The following CHD7 variants were observed in gnomAD, a reference collection of about 807,000 sequenced individuals.
CHD7 encodes the protein chromodomain helicase DNA binding protein 7.
In CHD7, 24 loss-of-function variants were observed where a neutral mutation model predicts 307.3. That is an observed-to-expected ratio of 0.08 (90% CI 0.06 to 0.11). The LOEUF (loss-of-function observed/expected upper bound fraction) is 0.11, where lower values mean the gene tolerates loss of function less well. Ranked by LOEUF, CHD7 falls within the 10% of genes least tolerant of loss-of-function variation. The probability of loss-of-function intolerance (pLI) is 1.00; values close to 1 mark genes in which losing one functional copy is unlikely to be tolerated. For missense variants in CHD7, 3,106 were observed against 3,727.1 expected, an observed-to-expected ratio of 0.83 and a Z score of 4.34; for synonymous variants, 1,363 against 1,349.9, an observed-to-expected ratio of 1.01 and a Z score of -0.21.
At chr8:60,746,653 T>C (rs1056798830) in intron 2 of CHD7, among the ~76,000 whole-genome samples, 5 of 152,246 alleles carry the variant, frequency 3.3e-5, no homozygotes, top group African/African-American at 9.6e-5. Flanking sequence ...TTATGTTCTT[T>C]ATGTGTTTCC....
In CHD7 at chr8:60,741,753, C is replaced by T. The variant is rs571544655; in HGVS notation, c.321C>T (p.Thr107=). 3.7e-6 allele frequency: 6 copies of T among 1,613,928 alleles called. No homozygotes were observed. The highest frequency in any genetic ancestry group is 2.2e-5 in the East Asian group (1 of 44,878). Reference sequence around the variant, plus strand: ...CGTCTCCGCACTCGCAGTATCACACCCCTCCCGTTCCTCAGGTGCCCCATG... The same window carrying T: ...CGTCTCCGCACTCGCAGTATCACACTCCTCCCGTTCCTCAGGTGCCCCATG... ...GLASPHSQYH[T]PPVPQVPHGG... The change falls in exon 2 of 38, where the codon ACC becomes ACT. Residue 107 remains threonine (T), a synonymous_variant. Coordinates refer to ENST00000423902, the MANE Select transcript of CHD7 (RefSeq NM_017780.4).
intron 4 of CHD7, among the ~76,000 whole-genome samples, chr8:60,796,307 T>A (rs1436044017): frequency 6.6e-6 from 1 of 152,256 alleles, no homozygotes; most frequent in East Asian, 1.9e-4. Flanking sequence ...CATTTTTTAA[T>A]TGCGTAGGCT....
At chr8:60,680,517 T>C (rs1054321497) in intron 1 of CHD7, among the ~76,000 whole-genome samples, 9 of 151,894 alleles carry the variant, frequency 5.9e-5, no homozygotes, top group African/African-American at 2.2e-4. Context: ...CGAGCCGCCT[T>C]TCTCCGGATG....
In CHD7 at chr8:60,854,461, G is replaced by A. The variant is rs1157045693; in HGVS notation, c.6874G>A (p.Gly2292Arg). The change falls in exon 32 of 38, where the codon GGA (glycine) becomes AGA (arginine). Residue 2292 changes from glycine (G) to arginine (R), a missense_variant. Gly to Arg is a moderately radical substitution (Grantham distance 125). Coordinates refer to ENST00000423902, the MANE Select transcript of CHD7 (RefSeq NM_017780.4). ...ETRDGFYMED[G>R]DPSVAQLLHE... The stretch of plus-strand genomic sequence containing the variant: ...CCGAGATGGATTCTACATGGAGGAC[G>A]GAGATCCTTCAGTAGCTCAGCTCCT... The A allele has an allele frequency of 3.1e-6, 5 of 1,612,786 alleles. No individual in the cohort carries two copies. The highest frequency in any genetic ancestry group is 1.6e-4 in the Middle Eastern group (1 of 6,078).
intron 2 of CHD7, among the ~76,000 whole-genome samples, chr8:60,753,204 CTGAA>C (rs1282440605): frequency 4.6e-5 from 7 of 152,164 alleles, no homozygotes; most frequent in Non-Finnish European, 8.8e-5. Flanking sequence ...ATCGATTTCT[CTGAA>C]TGTTTTTTTC....
At chr8:60,736,547 T>C (rs1377473230) in intron 1 of CHD7, among the ~76,000 whole-genome samples, 1 of 152,166 alleles carries the variant, frequency 6.6e-6, no homozygotes, top group African/African-American at 2.4e-5. Flanking sequence ...TGATTCATGC[T>C]CCACCCTCAT....
chr8:60,822,399 T>G (rs1400703360), intron 11 of CHD7, 104 bp from the exon 12 acceptor site: 1 of 1,106,970 alleles, frequency 9.0e-7, no homozygotes, highest in Non-Finnish European at 1.3e-6. Flanking sequence ...ATCTAAAGCC[T>G]TTGGGTATGC....
intron 1 of CHD7, among the ~76,000 whole-genome samples, chr8:60,705,752 T>C (rs1806993707): frequency 6.6e-6 from 1 of 152,158 alleles, no homozygotes. Flanking sequence ...ATAAAGATAA[T>C]GGTGATGCAT....
chr8:60,801,512 A>G lies in CHD7; in HGVS notation c.2377-16A>G, dbSNP rs781749924. 2.9e-5 allele frequency: 45 copies of G among 1,554,176 alleles called. No homozygotes were observed. The highest frequency in any genetic ancestry group is 3.6e-5 in the Non-Finnish European group (41 of 1,145,126). On this transcript the variant is annotated splice_polypyrimidine_tract_variant and intron_variant, in intron 5 of 37. Coordinates refer to ENST00000423902, the MANE Select transcript of CHD7 (RefSeq NM_017780.4). ...ATGTTTTCTATTTGGATTGATGCAC[A>G]TGCCTTTTTTTTTAGGAATCTGTTG...
chr8:60,740,284 A>G (rs539093410), intron 1 of CHD7, among the ~76,000 whole-genome samples: 1 of 152,372 alleles, frequency 6.6e-6, no homozygotes, highest in Admixed American at 6.5e-5. Context: ...TGAGGAGAGC[A>G]TATTTTGAAC....
chr8:60,855,294 C>T (rs1398838183), intron 32 of CHD7: 1 of 152,240 alleles, frequency 6.6e-6, no homozygotes, highest in Non-Finnish European at 1.5e-5. Context: ...ATGCTAACCT[C>T]CTTTATTGAG....
rs531223708 is a variant in CHD7, at chr8:60,827,563, G to A, written c.3379-1100G>A. Among the ~76,000 whole-genome samples, 3 of 152,216 alleles carry A rather than the reference G, an allele frequency of 2.0e-5. No individual in the cohort carries two copies. The East Asian group carries it at 5.8e-4, about 29-fold the overall frequency. ...GTGATACTTTAGAAAAAAATTGATTGATTGATCCTTACTGTTTATGAATTT... is the reference window on the plus strand; with the variant it reads ...GTGATACTTTAGAAAAAAATTGATTAATTGATCCTTACTGTTTATGAATTT... On this transcript the variant is annotated intron_variant, in intron 13 of 37. Coordinates refer to ENST00000423902, the MANE Select transcript of CHD7 (RefSeq NM_017780.4).
chr8:60,836,715 T>G (rs1271861207), intron 16 of CHD7, 102 bp from the exon 17 acceptor site: 1 of 832,598 alleles, frequency 1.2e-6, no homozygotes, highest in Non-Finnish European at 1.8e-6. Context: ...ATATTAGTCT[T>G]TTTAATATAT....
chr8:60,847,595 G>A (rs1174836819), intron 23 of CHD7, among the ~76,000 whole-genome samples: 1 of 152,196 alleles, frequency 6.6e-6, no homozygotes, highest in Non-Finnish European at 1.5e-5. Context: ...AGAAGGCTGC[G>A]ATTCACGTAT....
chr8:60,768,547 C>G (rs1243983258), intron 2 of CHD7, among the ~76,000 whole-genome samples: 1 of 152,232 alleles, frequency 6.6e-6, no homozygotes, highest in Non-Finnish European at 1.5e-5. Context: ...ACCCTGCCCT[C>G]CAACTTGTAT....
chr8:60,865,833 C>G lies in CHD7; in HGVS notation c.8894C>G (p.Thr2965Ser). Residue 2965 changes from threonine (T) to serine (S), a missense_variant, in exon 38 of 38, where the codon ACT (threonine) becomes AGT (serine). Coordinates refer to ENST00000423902, the MANE Select transcript of CHD7 (RefSeq NM_017780.4). The surrounding 1 kb of genome is among the most constrained non-coding windows in gnomAD (Gnocchi z 4.3). ...GATGCCGAGGAGAGCCTGGATAAGA[C>G]TGCAGAGTCCTCCCTCTTAGAAGAC... ...GSDAEESLDK[T>S]AESSLLEDEI... 6.2e-7 allele frequency: 1 copy of G among 1,613,666 alleles called. No individual in the cohort carries two copies. The highest frequency in any genetic ancestry group is 8.5e-7 in the Non-Finnish European group (1 of 1,179,724).
chr8:60,760,608 A>G (rs1160093784), intron 2 of CHD7, among the ~76,000 whole-genome samples: 3 of 149,604 alleles, frequency 2.0e-5, no homozygotes, highest in African/African-American at 4.9e-5. Context: ...ACAAAGGGCT[A>G]ATATCCAGAA....
Position 60,852,081 on chromosome 8 carries a change from A to G in CHD7, c.5728A>G (p.Thr1910Ala). The change falls in exon 29 of 38, where the codon ACT becomes GCT. Residue 1910 changes from threonine (T) to alanine (A), a missense_variant. Physicochemically the swap from Thr to Ala is moderately conservative, Grantham distance 58. Coordinates refer to ENST00000423902, the MANE Select transcript of CHD7 (RefSeq NM_017780.4). ...TTACTGGCCTAACACTTCAACCCTG[A>G]CTACACGTCTGCGCCGGCTCATTAC... ...QLYWPNTSTL[T>A]TRLRRLITAY... 2 of 1,613,916 alleles carry G rather than the reference A, an allele frequency of 1.2e-6. No homozygotes were observed. Among genetic ancestry groups the G allele is most frequent in the African/African-American group, 1.3e-5 (1 of 75,018 alleles).
intron 1 of CHD7, among the ~76,000 whole-genome samples, chr8:60,727,566 C>T (rs1808230356): frequency 6.6e-6 from 1 of 152,102 alleles, no homozygotes; most frequent in Admixed American, 6.6e-5. Context: ...TGGTCACTTC[C>T]TTCTTCTCTT....
Sources: gnomAD v4.1 joint callset for allele counts (sites outside exome capture counted in the v4.1 genomes callset) on GRCh38, gnomAD v4.1.1 for gene constraint, Gnocchi (gnomAD v3.1) non-coding constraint, MANE v1.5 for transcripts, NCBI Gene and HGNC (gene_info 2026-07-23, HGNC 2026-07-21) for gene names.